The following AKT3 variants were observed in gnomAD, a reference collection of about 807,000 sequenced individuals.
AKT3 encodes the protein RAC-gamma serine/threonine-protein kinase.
Under a neutral mutation model 65.3 loss-of-function variants are expected in AKT3, and 15 were observed. The observed-to-expected ratio is 0.23, with a 90% CI of 0.15 to 0.35. The LOEUF (loss-of-function observed/expected upper bound fraction) is 0.35, where lower values mean the gene tolerates loss of function less well. Among genes scored for constraint, AKT3 ranks in the 10% least tolerant of loss-of-function variants. The pLI is 1.00. For missense variants in AKT3, 243 were observed against 576.5 expected, an observed-to-expected ratio of 0.42 and a Z score of 5.92; for synonymous variants, 206 against 183.8, an observed-to-expected ratio of 1.12 and a Z score of -0.98.
In AKT3 at chr1:243,505,000, A is replaced by T; in HGVS notation, c.*249T>A. On this transcript the variant is annotated 3_prime_UTR_variant, in exon 14 of 14. Transcript: ENST00000673466. ...TACTTCTTAAAGTTGCTATAATAGT[A>T]AGACAGTAGCAGCAACAGCATGAGA... is the stretch of plus-strand genomic sequence containing the variant. The T allele has an allele frequency of 2.1e-6, 1 of 473,208 alleles. No homozygotes were observed. The highest frequency in any genetic ancestry group is 3.3e-5 in the East Asian group (1 of 30,704). 29.3% of individuals were successfully genotyped at this position (473,208 alleles called of 1,614,324 possible).
chr1:243,656,338 A>G (rs1386857068), intron 4 of AKT3, among the ~76,000 whole-genome samples: 1 of 152,194 alleles, frequency 6.6e-6, no homozygotes, highest in Non-Finnish European at 1.5e-5. Context: ...ATAAATATTT[A>G]ATTAAATGTC....
intron 6 of AKT3, among the ~76,000 whole-genome samples, chr1:243,630,850 A>G (rs1312107290): frequency 1.3e-5 from 2 of 152,190 alleles, no homozygotes; most frequent in Non-Finnish European, 2.9e-5. Flanking sequence ...GGTGTAAGTA[A>G]ATGAATATTA....
chr1:243,639,170 GCT>G (rs1176428789), intron 5 of AKT3, among the ~76,000 whole-genome samples: 1 of 152,122 alleles, frequency 6.6e-6, no homozygotes, highest in African/African-American at 2.4e-5. Context: ...AGCTTTGAAA[GCT>G]CTTTCTTTGA....
At chr1:243,583,193 T>TACAC (rs760535175) in intron 8 of AKT3, among the ~76,000 whole-genome samples, 259 of 38,354 alleles carry the variant, frequency 6.8e-3, no homozygotes, top group Admixed American at 0.018. Context: ...TATATATATA[T>TACAC]ATACACACAC....
chr1:243,831,388 T>C (rs1169910728), intron 2 of AKT3, among the ~76,000 whole-genome samples: 3 of 152,098 alleles, frequency 2.0e-5, no homozygotes, highest in African/African-American at 7.2e-5. Context: ...TCATTCTAAT[T>C]TTGTAAGACC....
chr1:243,848,482 G>C (rs569555902), intron 1 of AKT3, among the ~76,000 whole-genome samples: 1 of 152,172 alleles, frequency 6.6e-6, no homozygotes, highest in Non-Finnish European at 1.5e-5. Flanking sequence ...AAGTTCTGAA[G>C]ACTAATCTTC....
chr1:243,559,207 G>A (rs1243343129), intron 10 of AKT3, among the ~76,000 whole-genome samples: 1 of 152,064 alleles, frequency 6.6e-6, no homozygotes, highest in Non-Finnish European at 1.5e-5. Flanking sequence ...GTACAAAAGA[G>A]CAAAAGTACA....
At chr1:243,641,189 T>C (rs1055811251) in intron 5 of AKT3, among the ~76,000 whole-genome samples, 6 of 150,906 alleles carry the variant, frequency 4.0e-5, no homozygotes, top group African/African-American at 1.5e-4. Context: ...AGTTTGCAGA[T>C]GGCCTATTGT....
chr1:243,545,641 A>G (rs765831448), intron 11 of AKT3, 44 bp from the exon 12 acceptor site: 2 of 1,355,326 alleles, frequency 1.5e-6, no homozygotes, highest in Non-Finnish European at 1.1e-6. Context: ...AAACATTTAC[A>G]TAAGCTCAAA....
intron 2 of AKT3, among the ~76,000 whole-genome samples, chr1:243,770,976 A>T (rs1690143107): frequency 1.3e-5 from 2 of 152,238 alleles, no homozygotes; most frequent in Admixed American, 1.3e-4. Flanking sequence ...AAAAAGATAT[A>T]TGGGGGGAGG....
At chr1:243,688,417 G>C (rs1234345223) in intron 3 of AKT3, among the ~76,000 whole-genome samples, 1 of 152,160 alleles carries the variant, frequency 6.6e-6, no homozygotes, top group Non-Finnish European at 1.5e-5. Flanking sequence ...GCTTTTCCTT[G>C]TCAAAAATGG....
chr1:243,841,335 C>T (rs1020202695), intron 2 of AKT3, among the ~76,000 whole-genome samples: 1 of 152,166 alleles, frequency 6.6e-6, no homozygotes, highest in Non-Finnish European at 1.5e-5. Flanking sequence ...AATAAATCCA[C>T]AACCATCATC....
At chr1:243,738,703 T>C (rs1207833901) in intron 2 of AKT3, among the ~76,000 whole-genome samples, 1 of 152,188 alleles carries the variant, frequency 6.6e-6, no homozygotes, top group Non-Finnish European at 1.5e-5. Context: ...GGTAAACCAT[T>C]ACACACTGTA....
chr1:243,713,424 T>A (rs1686282383), intron 2 of AKT3, among the ~76,000 whole-genome samples: 1 of 152,168 alleles, frequency 6.6e-6, no homozygotes, highest in Non-Finnish European at 1.5e-5. Flanking sequence ...TACCCTTGGT[T>A]AACCAAATCC....
At chr1:243,543,417 C>G (rs571447157) in intron 12 of AKT3, among the ~76,000 whole-genome samples, 2 of 151,504 alleles carry the variant, frequency 1.3e-5, no homozygotes, top group East Asian at 3.9e-4. Flanking sequence ...CACATTGGTA[C>G]CTCAACCATT....
intron 8 of AKT3, among the ~76,000 whole-genome samples, chr1:243,609,342 GT>G (rs1677691181): frequency 6.6e-6 from 1 of 151,078 alleles, no homozygotes; most frequent in Non-Finnish European, 1.5e-5. Context: ...TTCTGTGTGT[GT>G]GTGTGTGTGT....
At chr1:243,691,968 C>T (rs1392189171) in intron 3 of AKT3, among the ~76,000 whole-genome samples, 1 of 152,088 alleles carries the variant, frequency 6.6e-6, no homozygotes, top group African/African-American at 2.4e-5. Flanking sequence ...TAGGGGGGAA[C>T]AGGAAAGAGG....
Position 243,618,129 on chromosome 1 carries a change from T to C in AKT3, c.562-2968A>G, listed in dbSNP as rs935247653. 2.0e-5 allele frequency among the ~76,000 whole-genome samples: 3 copies of C among 152,290 alleles called. No individual in the cohort carries two copies. The South Asian group carries it at 6.2e-4, about 32-fold the overall frequency. On this transcript the variant is annotated intron_variant, in intron 6 of 13. Transcript: ENST00000673466. ...ACAGGCTTATCACGCATAATAGTTATTTTTCTAAATCACTTAGTAACTTTC... is the reference window on the plus strand; with the variant it reads ...ACAGGCTTATCACGCATAATAGTTACTTTTCTAAATCACTTAGTAACTTTC...
At chr1:243,542,184 T>A (rs1672368170) in intron 12 of AKT3, among the ~76,000 whole-genome samples, 2 of 152,186 alleles carry the variant, frequency 1.3e-5, no homozygotes, top group Non-Finnish European at 2.9e-5. Context: ...TACGTAGAAA[T>A]CTATATAGAC....
Sources: allele counts gnomAD v4.1 joint callset (sites outside exome capture counted in the v4.1 genomes callset), GRCh38; gene constraint gnomAD v4.1.1; transcripts MANE v1.5; gene names NCBI Gene and HGNC (gene_info 2026-07-23, HGNC 2026-07-21).